SLC9A9: variants seen among roughly 807,000 people sequenced by gnomAD.
The protein encoded by SLC9A9 is solute carrier family 9 member A9.
SLC9A9 carries 62 observed loss-of-function variants against 77.8 expected under a neutral mutation model. The observed-to-expected ratio is 0.80, with a 90% CI of 0.65 to 0.98. The LOEUF is 0.98. Among genes scored for constraint, SLC9A9 ranks in the 50% least tolerant of loss-of-function variants. The pLI is 0.00. For synonymous variants in SLC9A9, 320 were observed against 283.5 expected (o/e 1.13, Z -1.29); for missense variants, 775 against 774.9 (o/e 1.00, Z 0.00).
chr3:143,727,712 A>T (rs1364831042), intron 4 of SLC9A9, among the ~76,000 whole-genome samples: 1 of 152,232 alleles, frequency 6.6e-6, no homozygotes, highest in African/African-American at 2.4e-5. Context: ...ACAGCTGAGA[A>T]AATAAAACGA....
intron 12 of SLC9A9, among the ~76,000 whole-genome samples, chr3:143,422,018 A>G (rs1168770818): frequency 6.6e-6 from 1 of 152,222 alleles, no homozygotes; most frequent in Non-Finnish European, 1.5e-5. Flanking sequence ...GAAAACGCAA[A>G]TCAAAACCAC....
chr3:143,562,967 T>G (rs1242234123), intron 8 of SLC9A9, among the ~76,000 whole-genome samples: 1 of 152,078 alleles, frequency 6.6e-6, no homozygotes, highest in Non-Finnish European at 1.5e-5. Flanking sequence ...ATCTGACTCA[T>G]GTTTGTGCAC....
rs1429523422 is a variant in SLC9A9 at position 143,492,115 on chromosome 3, AC to A, written c.1315+1537del. Reference sequence around the variant, plus strand: ...AGACCATCCTGGCTAACACGGTGAAACCCCGTCTCTACTAAAAATACAAAAA... The same window carrying A: ...AGACCATCCTGGCTAACACGGTGAAACCCGTCTCTACTAAAAATACAAAAA... On this transcript the variant is annotated intron_variant, in intron 11 of 15. Transcript: ENST00000316549. Among the ~76,000 whole-genome samples, 5 of 151,726 alleles carry A rather than the reference AC, an allele frequency of 3.3e-5. No individual in the cohort carries two copies. The East Asian group carries it at 7.8e-4, about 24-fold the overall frequency.
chr3:143,579,609 T>A (rs536940319), intron 6 of SLC9A9, among the ~76,000 whole-genome samples: 7 of 152,218 alleles, frequency 4.6e-5, no homozygotes, highest in Non-Finnish European at 7.4e-5. Flanking sequence ...CATTTCAGAT[T>A]TTTTTTTGCA....
In SLC9A9 at chr3:143,744,801, A is replaced by G. The variant is rs572467795; in HGVS notation, c.533+50200T>C. ...AAGTGGAGAATCAGAGGAAAGAGGT[A>G]TGAGCCTGGGATAGTTCTTTATACC... On this transcript the variant is annotated intron_variant, in intron 4 of 15. Coordinates refer to ENST00000316549, the MANE Select transcript of SLC9A9 (RefSeq NM_173653.4). 5.3e-5 allele frequency among the ~76,000 whole-genome samples: 8 copies of G among 152,330 alleles called. No homozygotes were observed. The South Asian group carries it at 6.2e-4, about 12-fold the overall frequency.
At chr3:143,764,358 C>T (rs900281178) in intron 4 of SLC9A9, among the ~76,000 whole-genome samples, 1 of 152,144 alleles carries the variant, frequency 6.6e-6, no homozygotes, top group Non-Finnish European at 1.5e-5. Flanking sequence ...TATCACTTTC[C>T]AGATAGAACA....
chr3:143,685,043 T>G (rs1933219538), intron 5 of SLC9A9, among the ~76,000 whole-genome samples: 1 of 152,108 alleles, frequency 6.6e-6, no homozygotes, highest in Non-Finnish European at 1.5e-5. Flanking sequence ...CAGTTTCATT[T>G]CCATATATCT....
At chr3:143,753,454 G>A (rs182931446) in intron 4 of SLC9A9, among the ~76,000 whole-genome samples, 41 of 152,310 alleles carry the variant, frequency 2.7e-4, no homozygotes, top group African/African-American at 9.6e-4. Flanking sequence ...GAACAAGGTG[G>A]AATTTTATCT....
chr3:143,485,841 T>C (rs2035645689), intron 11 of SLC9A9, among the ~76,000 whole-genome samples: 1 of 151,852 alleles, frequency 6.6e-6, no homozygotes, highest in Non-Finnish European at 1.5e-5. Flanking sequence ...TTAAAGATGC[T>C]TGAAGAACTA....
intron 6 of SLC9A9, among the ~76,000 whole-genome samples, chr3:143,641,676 A>G (rs796623341): frequency 5.3e-5 from 8 of 152,320 alleles, no homozygotes; most frequent in African/African-American, 1.9e-4. Context: ...TACAGGCGTG[A>G]GCCACTGTGC....
intron 6 of SLC9A9, among the ~76,000 whole-genome samples, chr3:143,644,087 G>A (rs776222335): frequency 6.6e-6 from 1 of 152,110 alleles, no homozygotes; most frequent in Admixed American, 6.6e-5. Context: ...GAGACAATCG[G>A]GGCCAAGAGA....
intron 4 of SLC9A9, among the ~76,000 whole-genome samples, chr3:143,728,982 C>A (rs1934734517): frequency 6.6e-6 from 1 of 152,076 alleles, no homozygotes; most frequent in South Asian, 2.1e-4. Context: ...GGTTGTCGAG[C>A]TGCACCCTGC....
chr3:143,737,547 T>C (rs894368732), intron 4 of SLC9A9, among the ~76,000 whole-genome samples: 2 of 151,460 alleles, frequency 1.3e-5, no homozygotes, highest in African/African-American at 4.9e-5. Context: ...GTCCTGATAA[T>C]ACGTGTTCAT....
intron 4 of SLC9A9, among the ~76,000 whole-genome samples, chr3:143,743,288 T>TAGATAGATAGAC (rs1560059201): frequency 8.4e-6 from 1 of 119,636 alleles, no homozygotes; most frequent in Non-Finnish European, 1.9e-5. Context: ...GATAGATAGA[T>TAGATAGATAGAC]AGACAGACAG....
chr3:143,706,562 C>G (rs77873285), intron 4 of SLC9A9, among the ~76,000 whole-genome samples: 1 of 152,268 alleles, frequency 6.6e-6, no homozygotes, highest in African/African-American at 2.4e-5. Flanking sequence ...CAAGTGAAGC[C>G]CCATTCAGCT....
chr3:143,698,986 G>A (rs537232243), intron 4 of SLC9A9, among the ~76,000 whole-genome samples: 1 of 152,280 alleles, frequency 6.6e-6, no homozygotes, highest in East Asian at 1.9e-4. Context: ...ATACCCAAAT[G>A]TCCTTTGGGA....
chr3:143,610,941 G>A (rs910564507), intron 6 of SLC9A9, among the ~76,000 whole-genome samples: 1 of 151,922 alleles, frequency 6.6e-6, no homozygotes, highest in Non-Finnish European at 1.5e-5. Flanking sequence ...CTCAGTCTGG[G>A]CTTTCTACAG....
chr3:143,364,165 G>A (rs2032832347), intron 13 of SLC9A9, among the ~76,000 whole-genome samples: 1 of 151,170 alleles, frequency 6.6e-6, no homozygotes, highest in South Asian at 2.1e-4. Flanking sequence ...AGGAATTAAA[G>A]ACAAAAGAGG....
intron 4 of SLC9A9, among the ~76,000 whole-genome samples, chr3:143,759,316 G>A (rs2007033979): frequency 6.6e-6 from 1 of 152,066 alleles, no homozygotes; most frequent in South Asian, 2.1e-4. Flanking sequence ...TGGGCACATG[G>A]CCCCAAGTCA....
Sources: allele counts gnomAD v4.1 joint callset (sites outside exome capture counted in the v4.1 genomes callset), GRCh38; gene constraint gnomAD v4.1.1; transcripts MANE v1.5; gene names NCBI Gene and HGNC (gene_info 2026-07-23, HGNC 2026-07-21).